CNTNAP2: variants seen among roughly 807,000 people sequenced by gnomAD.
The protein encoded by CNTNAP2 is contactin associated protein 2.
In CNTNAP2, 98 loss-of-function variants were observed where a neutral mutation model predicts 155.2. The observed-to-expected ratio is 0.63, with a 90% CI of 0.54 to 0.75. The LOEUF (loss-of-function observed/expected upper bound fraction) is 0.75, where lower values mean the gene tolerates loss of function less well. Among genes scored for constraint, CNTNAP2 ranks in the 30% least tolerant of loss-of-function variants. CNTNAP2 has a pLI of 0.00. For synonymous variants in CNTNAP2, 651 were observed against 631.2 expected (o/e 1.03, Z -0.47); for missense variants, 1,727 against 1,688.1 (o/e 1.02, Z -0.40).
At chr7:146,923,998 A>T (rs2129220754) in intron 3 of CNTNAP2, among the ~76,000 whole-genome samples, 1 of 152,190 alleles carries the variant, frequency 6.6e-6, no homozygotes, top group Middle Eastern at 3.4e-3. Context: ...CTGCTTTCAT[A>T]GCTTCCCCCA....
At chr7:147,477,286 A>G (rs918995111) in intron 10 of CNTNAP2, among the ~76,000 whole-genome samples, 1 of 152,186 alleles carries the variant, frequency 6.6e-6, no homozygotes, top group Non-Finnish European at 1.5e-5. Flanking sequence ...CTTCCTTGTT[A>G]TATAAGAAAA....
intron 8 of CNTNAP2, among the ~76,000 whole-genome samples, chr7:147,192,260 T>G (rs1802694611): frequency 6.6e-6 from 1 of 152,196 alleles, no homozygotes; most frequent in African/African-American, 2.4e-5. Context: ...AAAATCCCAG[T>G]CAGCTGCCTT....
intron 1 of CNTNAP2, among the ~76,000 whole-genome samples, chr7:146,233,220 A>T (rs1386242572): frequency 6.6e-6 from 1 of 152,132 alleles, no homozygotes. Context: ...TTAAGATAGG[A>T]ACATTTATCA....
At chr7:147,871,708 G>A (rs78141653) in intron 13 of CNTNAP2, among the ~76,000 whole-genome samples, 5,724 of 147,288 alleles carry the variant, frequency 0.039, 345 homozygotes, top group African/African-American at 0.14. Context: ...TCATTCTTGA[G>A]TTCATTCCTG....
intron 9 of CNTNAP2, among the ~76,000 whole-genome samples, chr7:147,342,960 G>A (rs151326019): frequency 9.9e-5 from 15 of 151,740 alleles, no homozygotes; most frequent in African/African-American, 3.4e-4. Flanking sequence ...CTTTTTTCAC[G>A]GGTCATAAAA....
intron 13 of CNTNAP2, among the ~76,000 whole-genome samples, chr7:147,790,838 G>A (rs1437944884): frequency 1.3e-5 from 2 of 152,180 alleles, no homozygotes; most frequent in Non-Finnish European, 2.9e-5. Flanking sequence ...GGTCATTATT[G>A]GATCATAACT....
At chr7:148,068,230 C>T (rs1803307683) in intron 15 of CNTNAP2, among the ~76,000 whole-genome samples, 1 of 152,028 alleles carries the variant, frequency 6.6e-6, no homozygotes, top group Admixed American at 6.6e-5. Flanking sequence ...TTACAAAGTT[C>T]AGCTAGAAGT....
At chr7:146,832,610 T>A (rs1803535065) in intron 2 of CNTNAP2, among the ~76,000 whole-genome samples, 1 of 148,108 alleles carries the variant, frequency 6.8e-6, no homozygotes, top group Non-Finnish European at 1.5e-5. Context: ...TATTATATAT[T>A]ATATTTTATA....
chr7:146,336,973 T>C (rs1801287992), intron 1 of CNTNAP2, among the ~76,000 whole-genome samples: 1 of 152,030 alleles, frequency 6.6e-6, no homozygotes, highest in Non-Finnish European at 1.5e-5. Context: ...GATGGAACAG[T>C]TTTGCATTTA....
chr7:147,254,932 C>G (rs1185433633), intron 8 of CNTNAP2, among the ~76,000 whole-genome samples: 1 of 152,190 alleles, frequency 6.6e-6, no homozygotes, highest in Non-Finnish European at 1.5e-5. Context: ...ATACAATTAT[C>G]TTGCTCAGAA....
chr7:147,407,467 C>CAAAA (rs768738493), intron 10 of CNTNAP2, among the ~76,000 whole-genome samples: 4 of 64,864 alleles, frequency 6.2e-5, no homozygotes, highest in South Asian at 7.4e-4. Context: ...GACTCCCTCT[C>CAAAA]AAAAAAAAAA....
At chr7:147,224,050 A>AT (rs11427971) in intron 8 of CNTNAP2, among the ~76,000 whole-genome samples, 32 of 151,548 alleles carry the variant, frequency 2.1e-4, no homozygotes, top group Middle Eastern at 3.4e-3. Context: ...GAGAACTGTC[A>AT]GCCAGCGCTT....
chr7:147,100,319 T>A (rs1313253247), intron 4 of CNTNAP2, among the ~76,000 whole-genome samples: 2 of 152,216 alleles, frequency 1.3e-5, no homozygotes, highest in Non-Finnish European at 2.9e-5. Flanking sequence ...CCATTTATGG[T>A]TTATCATATA....
chr7:147,166,457 A>T (rs992830662), intron 8 of CNTNAP2, among the ~76,000 whole-genome samples: 2 of 152,136 alleles, frequency 1.3e-5, no homozygotes, highest in Non-Finnish European at 2.9e-5. Context: ...CGCTCGGGTG[A>T]TGGGTGCACC....
intron 11 of CNTNAP2, among the ~76,000 whole-genome samples, chr7:147,536,408 A>C (rs1388568725): frequency 1.9e-4 from 29 of 152,164 alleles, no homozygotes; most frequent in Admixed American, 1.6e-3. Flanking sequence ...GGCTGTGATA[A>C]ATTTCATGAA....
Position 146,874,457 on chromosome 7 carries a change from G to A in CNTNAP2, c.402+34553G>A, listed in dbSNP as rs368996599. On this transcript the variant is annotated intron_variant, in intron 3 of 23. Coordinates refer to ENST00000361727, the MANE Select transcript of CNTNAP2 (RefSeq NM_014141.6). Reference sequence around the variant, plus strand: ...AGGGTTCAAGTGATTCTCCTGCCTCGGCTTCCCGAGTAGCTGGGATTACAG... The same window carrying A: ...AGGGTTCAAGTGATTCTCCTGCCTCAGCTTCCCGAGTAGCTGGGATTACAG... Among the ~76,000 whole-genome samples the A allele has an allele frequency of 3.9e-5, 6 of 151,910 alleles. No homozygotes were observed. The South Asian group carries it at 6.2e-4, about 16-fold the overall frequency.
At chr7:147,994,535 G>C (rs1801768738) in intron 15 of CNTNAP2, among the ~76,000 whole-genome samples, 1 of 152,164 alleles carries the variant, frequency 6.6e-6, no homozygotes, top group Admixed American at 6.5e-5. Context: ...ATGGGGACAG[G>C]TCTTTCCAGC....
intron 12 of CNTNAP2, among the ~76,000 whole-genome samples, chr7:147,576,581 G>C (rs1800400250): frequency 6.6e-6 from 1 of 151,948 alleles, no homozygotes; most frequent in African/African-American, 2.4e-5. Context: ...TAAGAATCAG[G>C]CCTCAGTCAG....
rs539892680 is a variant in CNTNAP2, at chr7:148,137,384, G to A, written c.2555-10107G>A. 1.8e-3 allele frequency among the ~76,000 whole-genome samples: 276 copies of A among 152,310 alleles called. 1 individual carries two copies. Among genetic ancestry groups the A allele is most frequent in the African/African-American group, 5.9e-3 (245 of 41,558 alleles). ...GCTATATAGAAAATGATTCAGTTGG[G>A]CACAGTGGCTCACGCCTGTAATCCC... On this transcript the variant is annotated intron_variant, in intron 16 of 23. Transcript: ENST00000361727.
Sources: gnomAD v4.1 joint callset for allele counts (sites outside exome capture counted in the v4.1 genomes callset) on GRCh38, gnomAD v4.1.1 for gene constraint, MANE v1.5 for transcripts, NCBI Gene and HGNC (gene_info 2026-07-23, HGNC 2026-07-21) for gene names.